Variants in TECR observed in about 807,000 individuals in gnomAD.
The protein encoded by TECR is trans-2,3-enoyl-CoA reductase, also known as very-long-chain enoyl-CoA reductase.
A neutral mutation model predicts 50.6 loss-of-function variants in TECR; 19 were observed. That is an observed-to-expected ratio of 0.38 (90% CI 0.26 to 0.55). TECR has a LOEUF of 0.55. Among genes scored for constraint, TECR ranks in the 20% least tolerant of loss-of-function variants. TECR has a pLI of 0.79. For synonymous variants in TECR, 168 were observed against 163.5 expected (o/e 1.03, Z -0.21); for missense variants, 313 against 408.3 (o/e 0.77, Z 2.01).
At chr19:14,529,567 G>A (rs970822597), upstream of TECR, 1 of 1,432,206 alleles carries the variant, frequency 7.0e-7, no homozygotes, top group Non-Finnish European at 9.8e-7. Context: ...CGCGCGGCCT[G>A]GAGGGGCGGG....
At chr19:14,559,150 G>T (rs550423616) in intron 1 of TECR, among the ~76,000 whole-genome samples, 2 of 152,126 alleles carry the variant, frequency 1.3e-5, no homozygotes, top group Non-Finnish European at 2.9e-5. Flanking sequence ...GGGCCTGTTT[G>T]TTACCCCTCA....
intron 1 of TECR, among the ~76,000 whole-genome samples, chr19:14,555,344 G>T (rs1289530654): frequency 1.3e-5 from 2 of 150,886 alleles, no homozygotes; most frequent in African/African-American, 2.4e-5. Context: ...TGCCTCCTGG[G>T]TTCAAGCGAT....
intron 1 of TECR, among the ~76,000 whole-genome samples, chr19:14,556,112 A>G (rs2073712206): frequency 6.6e-6 from 1 of 152,090 alleles, no homozygotes; most frequent in African/African-American, 2.4e-5. Flanking sequence ...ACAGACCGCC[A>G]CATCACCTTT....
chr19:14,529,455 G>C, upstream of TECR: 1 of 641,366 alleles, frequency 1.6e-6, no homozygotes, highest in Non-Finnish European at 2.8e-6. Context: ...CTCGCAAGTT[G>C]ATTGGTCAAT....
At chr19:14,556,714 G>A (rs1042986742) in intron 1 of TECR, among the ~76,000 whole-genome samples, 1 of 152,172 alleles carries the variant, frequency 6.6e-6, no homozygotes, top group Non-Finnish European at 1.5e-5. Flanking sequence ...CAGGGTTAAG[G>A]TCCCATTCTG....
At chr19:14,559,723 G>T (rs941441468) in intron 1 of TECR, among the ~76,000 whole-genome samples, 36 of 151,968 alleles carry the variant, frequency 2.4e-4, no homozygotes, top group Non-Finnish European at 2.9e-5. Context: ...GGGGGCGGAG[G>T]TTGCAGTGAG....
intron 1 of TECR, among the ~76,000 whole-genome samples, chr19:14,556,676 C>T (rs770150876): frequency 1.9e-4 from 29 of 152,132 alleles, no homozygotes; most frequent in Non-Finnish European, 3.4e-4. Flanking sequence ...ATGCAGGCTC[C>T]CTGAGCTCTC....
intron 1 of TECR, among the ~76,000 whole-genome samples, chr19:14,561,166 C>T (rs2073889912): frequency 6.6e-6 from 1 of 152,184 alleles, no homozygotes; most frequent in Admixed American, 6.5e-5. Context: ...CTGCCGTGGC[C>T]CGGTCTCCCT....
chr19:14,559,128 G>A (rs537373629), intron 1 of TECR, among the ~76,000 whole-genome samples: 1 of 152,122 alleles, frequency 6.6e-6, no homozygotes. Flanking sequence ...TTTTTATTTT[G>A]ATGGGTATGT....
chr19:14,558,702 C>A (rs1369233727), intron 1 of TECR, among the ~76,000 whole-genome samples: 3 of 152,200 alleles, frequency 2.0e-5, no homozygotes, highest in African/African-American at 7.2e-5. Flanking sequence ...TGGGACCTCG[C>A]TGACACCAGT....
chr19:14,556,472 C>T (rs1187549272), intron 1 of TECR, among the ~76,000 whole-genome samples: 1 of 151,558 alleles, frequency 6.6e-6, no homozygotes, highest in African/African-American at 2.4e-5. Flanking sequence ...TAGTTTTGTT[C>T]ACAACTCTTG....
chr19:14,555,319 G>A (rs1166207401), intron 1 of TECR, among the ~76,000 whole-genome samples: 1 of 151,084 alleles, frequency 6.6e-6, no homozygotes, highest in Non-Finnish European at 1.5e-5. Context: ...TGTGATCTCG[G>A]CTCACTGCAA....
At chr19:14,565,507 C>A (rs2074052379) in intron 11 of TECR, 111 bp from the exon 12 acceptor site, 1 of 1,504,948 alleles carries the variant, frequency 6.6e-7, no homozygotes, top group Non-Finnish European at 9.0e-7. Context: ...AATTGGGTTC[C>A]CATCCCTGAC....
At chr19:14,552,953 G>A (rs1316935384) in intron 1 of TECR, among the ~76,000 whole-genome samples, 1 of 152,190 alleles carries the variant, frequency 6.6e-6, no homozygotes, top group African/African-American at 2.4e-5. Context: ...GATCAGCGTC[G>A]CTCTGGGTGG....
At chr19:14,562,400 A>T in intron 1 of TECR, 125 bp from the exon 2 acceptor site, 1 of 986,618 alleles carries the variant, frequency 1.0e-6, no homozygotes, top group Non-Finnish European at 1.6e-6. Flanking sequence ...GGCGGCATGG[A>T]CTTGAACTTG....
intron 1 of TECR, among the ~76,000 whole-genome samples, chr19:14,558,828 C>T (rs923893950): frequency 6.6e-6 from 1 of 152,168 alleles, no homozygotes; most frequent in African/African-American, 2.4e-5. Flanking sequence ...CCTGCCTCAC[C>T]GCTTCTCCTG....
Position 14,562,537 on chromosome 19 carries a change from G to T in TECR, c.28G>T (p.Asp10Tyr), listed in dbSNP as rs2073934303. The change falls in exon 2 of 13, where the codon GAC becomes TAC. Residue 10 changes from aspartate (D) to tyrosine (Y), a missense_variant. Coordinates refer to ENST00000215567, the MANE Select transcript of TECR (RefSeq NM_138501.6). ...TCTCTTCTTCGAGGTGGAGATTCTG[G>T]ACGCAAAGACAAGGGAGAAGCTGTG... MKHYEVEIL[D>Y]AKTREKLCFL... The T allele has an allele frequency of 6.2e-7, 1 of 1,614,258 alleles. No homozygotes were observed. Among genetic ancestry groups the T allele is most frequent in the Non-Finnish European group, 8.5e-7 (1 of 1,180,034 alleles).
upstream of TECR, chr19:14,527,854 T>TA (rs1266718187): frequency 6.6e-6 from 1 of 152,228 alleles, no homozygotes; most frequent in Non-Finnish European, 1.5e-5. Context: ...GTGTGCCAGG[T>TA]ACTGCCTGTT....
upstream of TECR, chr19:14,529,326 G>A: frequency 2.4e-6 from 1 of 423,664 alleles, no homozygotes; most frequent in Non-Finnish European, 4.4e-6. Context: ...TTTCCACAGC[G>A]ACGCCATCAG....
Sources: allele counts gnomAD v4.1 joint callset (sites outside exome capture counted in the v4.1 genomes callset), GRCh38; gene constraint gnomAD v4.1.1; transcripts MANE v1.5; gene names NCBI Gene and HGNC (gene_info 2026-07-23, HGNC 2026-07-21).